NR5A2: variants seen among roughly 807,000 people sequenced by gnomAD.
NR5A2 encodes nuclear receptor subfamily 5 group A member 2, also known as CYP7A promoter-binding factor.
NR5A2 carries 26 observed loss-of-function variants against 62.7 expected under a neutral mutation model. The ratio of observed to expected loss-of-function variants is 0.41; its 90% CI spans 0.30 to 0.58. The LOEUF (loss-of-function observed/expected upper bound fraction) is 0.58, where lower values mean the gene tolerates loss of function less well. Among genes scored for constraint, NR5A2 ranks in the 20% least tolerant of loss-of-function variants. NR5A2 has a pLI of 0.22. For missense variants in NR5A2, 541 were observed against 669.1 expected, an observed-to-expected ratio of 0.81 and a Z score of 2.11; for synonymous variants, 246 against 241.7, an observed-to-expected ratio of 1.02 and a Z score of -0.16.
At chr1:200,110,361 A>T (rs1348200622) in intron 5 of NR5A2, among the ~76,000 whole-genome samples, 2 of 152,248 alleles carry the variant, frequency 1.3e-5, no homozygotes, top group African/African-American at 4.8e-5. Context: ...TATGCTGTCC[A>T]TATTTAAATA....
chr1:200,140,323 C>T (rs943385629), intron 7 of NR5A2, among the ~76,000 whole-genome samples: 2 of 152,160 alleles, frequency 1.3e-5, no homozygotes, highest in Admixed American at 6.5e-5. Context: ...GTGATCCTCT[C>T]GCCTCAGCCT....
intron 7 of NR5A2, among the ~76,000 whole-genome samples, chr1:200,164,032 G>T (rs995487032): frequency 8.6e-5 from 13 of 151,878 alleles, no homozygotes; most frequent in Admixed American, 6.6e-4. Flanking sequence ...GTGATAGTGA[G>T]TTCTTGCCAG....
At chr1:200,127,955 TGAA>T (rs1425250653) in intron 7 of NR5A2, among the ~76,000 whole-genome samples, 1 of 151,712 alleles carries the variant, frequency 6.6e-6, no homozygotes, top group Non-Finnish European at 1.5e-5. Context: ...GACAGTCATC[TGAA>T]GAATGTGGAC....
chr1:200,137,653 T>A (rs1667283963), intron 7 of NR5A2, among the ~76,000 whole-genome samples: 1 of 152,192 alleles, frequency 6.6e-6, no homozygotes, highest in South Asian at 2.1e-4. Context: ...GAAGAAGGAA[T>A]GAAGATTAAA....
intron 5 of NR5A2, among the ~76,000 whole-genome samples, chr1:200,093,765 G>C (rs533879203): frequency 6.6e-6 from 1 of 152,120 alleles, no homozygotes; most frequent in African/African-American, 2.4e-5. Flanking sequence ...ATTTTGCCTC[G>C]AGGAAGAGTT....
At chr1:200,155,898 T>C in intron 7 of NR5A2, among the ~76,000 whole-genome samples, 1 of 152,266 alleles carries the variant, frequency 6.6e-6, no homozygotes, top group East Asian at 1.9e-4. Context: ...GGTCTCGAAC[T>C]CCTGACCTCA....
At chr1:200,145,086 C>T (rs1571552200) in intron 7 of NR5A2, among the ~76,000 whole-genome samples, 1 of 152,022 alleles carries the variant, frequency 6.6e-6, no homozygotes, top group Non-Finnish European at 1.5e-5. Context: ...CTGAGGCAGG[C>T]GGATCACAAG....
chr1:200,118,899 A>AC (rs1312921885), intron 6 of NR5A2, among the ~76,000 whole-genome samples: 1 of 152,174 alleles, frequency 6.6e-6, no homozygotes, highest in Non-Finnish European at 1.5e-5. Context: ...CCAGGTACTG[A>AC]CCCTTCTTTC....
chr1:200,121,641 A>G (rs567804569), intron 7 of NR5A2, among the ~76,000 whole-genome samples: 3 of 152,354 alleles, frequency 2.0e-5, no homozygotes, highest in Non-Finnish European at 4.4e-5. Flanking sequence ...CTTCAAAGGA[A>G]CAGATTTTCC....
chr1:200,041,363 C>T (rs948887835), intron 2 of NR5A2, among the ~76,000 whole-genome samples: 2 of 152,094 alleles, frequency 1.3e-5, no homozygotes, highest in Non-Finnish European at 2.9e-5. Context: ...TCGCCACTCA[C>T]TCAGCCCATG....
chr1:200,176,646 A>G lies in NR5A2; in HGVS notation c.*2436A>G, dbSNP rs1434007097. The stretch of plus-strand genomic sequence containing the variant: ...CTTTAACATTGCCAAAAAAACAAAT[A>G]TGTTGATTTTTATTTTATTTTATTT... On this transcript the variant is annotated 3_prime_UTR_variant, in exon 8 of 8. Transcript: ENST00000367362. 1 of 152,154 alleles carries G rather than the reference A, an allele frequency of 6.6e-6. No individual in the cohort carries two copies. The highest frequency in any genetic ancestry group is 1.5e-5 in the Non-Finnish European group (1 of 68,032). The allele number at this position is 152,154 out of a possible 1,614,324, so 9.4% of individuals were successfully genotyped here.
At chr1:200,151,829 A>C (rs1209276909) in intron 7 of NR5A2, among the ~76,000 whole-genome samples, 1 of 152,250 alleles carries the variant, frequency 6.6e-6, no homozygotes, top group African/African-American at 2.4e-5. Context: ...TTGACTGCGT[A>C]AGCAGAAAGT....
chr1:200,146,568 T>C (rs1224229694), intron 7 of NR5A2, among the ~76,000 whole-genome samples: 2 of 152,204 alleles, frequency 1.3e-5, no homozygotes, highest in Non-Finnish European at 1.5e-5. Context: ...TTAAGATCTT[T>C]CCAAGTAATA....
rs2102356369 is a variant in NR5A2, at chr1:200,147,353, GT to G, written c.1378+26401del. On this transcript the variant is annotated intron_variant, in intron 7 of 7. Transcript: ENST00000367362. The surrounding 1 kb of genome is among the most constrained non-coding windows in gnomAD (Gnocchi z 4.9). ...CCAGCAAAGCTCGGCCTACATGGAGGTTTGCTGACTCCCCCAGGCCACCTTA... is the reference window on the plus strand; with the variant it reads ...CCAGCAAAGCTCGGCCTACATGGAGGTTGCTGACTCCCCCAGGCCACCTTA... 6.6e-6 allele frequency among the ~76,000 whole-genome samples: 1 copy of G among 152,304 alleles called. No homozygotes were observed. Among genetic ancestry groups the G allele is most frequent in the Non-Finnish European group, 1.5e-5 (1 of 68,026 alleles).
At chr1:200,173,656 C>T (rs1004098325) in intron 7 of NR5A2, among the ~76,000 whole-genome samples, 6 of 152,144 alleles carry the variant, frequency 3.9e-5, no homozygotes, top group Admixed American at 6.5e-5. Flanking sequence ...ATTAAGATCC[C>T]TCTACTTTAG....
Position 200,053,569 on chromosome 1 carries a change from G to GCGCGCACA in NR5A2, c.1110+4752_1110+4753insGCGCACAC, listed in dbSNP as rs374944913. Among the ~76,000 whole-genome samples the GCGCGCACA allele has an allele frequency of 2.6e-3, 376 of 142,102 alleles. 2 individuals are homozygous for GCGCGCACA. The highest frequency in any genetic ancestry group is 8.7e-3 in the African/African-American group (329 of 37,676). The allele number at this position is 142,102 out of a possible 152,430, so 93.2% of individuals were successfully genotyped here. A position where few individuals can be genotyped will look rare whatever the true frequency, so the allele number is the denominator to read the frequency against. On this transcript the variant is annotated intron_variant, in intron 5 of 7. Coordinates refer to ENST00000367362, the MANE Select transcript of NR5A2 (RefSeq NM_205860.3). Reference sequence around the variant, plus strand: ...CCCTCATCCCCCCCAGCATGCACACGCACACACACACACACACACACACAC... The same window carrying GCGCGCACA: ...CCCTCATCCCCCCCAGCATGCACACGCGCGCACACACACACACACACACACACACACAC...
At position 200,085,750 on chromosome 1, in the gene NR5A2, C is replaced by T. The variant is rs546777432; in HGVS notation, c.1111-25452C>T. On this transcript the variant is annotated intron_variant, in intron 5 of 7. Coordinates refer to ENST00000367362, the MANE Select transcript of NR5A2 (RefSeq NM_205860.3). ...ATGTACAAAACTGTGAATCCCAATG[C>T]GATTTTTGTGGGGAATGTGTTCGAA... Among the ~76,000 whole-genome samples, 11 of 151,948 alleles carry T rather than the reference C, an allele frequency of 7.2e-5. 1 individual carries two copies. Among genetic ancestry groups the T allele is most frequent in the East Asian group, 1.9e-4 (1 of 5,194 alleles).
At chr1:200,117,388 A>G (rs1040112864) in intron 6 of NR5A2, among the ~76,000 whole-genome samples, 2 of 152,238 alleles carry the variant, frequency 1.3e-5, no homozygotes, top group African/African-American at 4.8e-5. Context: ...CCCCCATTTA[A>G]TAAGCATGTT....
At chr1:200,106,058 A>ACTC (rs1336389670) in intron 5 of NR5A2, among the ~76,000 whole-genome samples, 2 of 55,416 alleles carry the variant, frequency 3.6e-5, no homozygotes, top group African/African-American at 1.5e-4. Context: ...GGCCAGATTC[A>ACTC]CTCTTCTTTT....
Sources: gnomAD v4.1 joint callset for allele counts (sites outside exome capture counted in the v4.1 genomes callset) on GRCh38, gnomAD v4.1.1 for gene constraint, Gnocchi (gnomAD v3.1) non-coding constraint, MANE v1.5 for transcripts, NCBI Gene and HGNC (gene_info 2026-07-23, HGNC 2026-07-21) for gene names.